RIMBP2: variants seen among roughly 807,000 people sequenced by gnomAD.
RIMBP2 encodes the protein RIMS-binding protein 2.
In RIMBP2, 48 loss-of-function variants were observed where a neutral mutation model predicts 118.6. That is an observed-to-expected ratio of 0.40 (90% CI 0.32 to 0.51). The LOEUF (loss-of-function observed/expected upper bound fraction) is 0.51. Among genes scored for constraint, RIMBP2 ranks in the 20% least tolerant of loss-of-function variants. The pLI, the probability that RIMBP2 is intolerant of heterozygous loss-of-function variation, is 0.41. For missense variants in RIMBP2, 1,551 were observed against 1,768.3 expected, an observed-to-expected ratio of 0.88 and a Z score of 2.20; for synonymous variants, 762 against 742.9, an observed-to-expected ratio of 1.03 and a Z score of -0.42.
chr12:130,579,857 G>A (rs2140168676), intron 2 of RIMBP2, among the ~76,000 whole-genome samples: 2 of 152,026 alleles, frequency 1.3e-5, no homozygotes, highest in East Asian at 1.9e-4. Context: ...AGGGAGGCAA[G>A]GGAGGCAAAA....
chr12:130,588,010 G>A lies in RIMBP2; in HGVS notation c.-217+40312C>T, dbSNP rs74406864. Reference sequence around the variant, plus strand: ...GCCAGCACCCCTCATCCAGCAAGCCGGGGTCCTCGCCTCCCTCAGCATCTC... The same window carrying A: ...GCCAGCACCCCTCATCCAGCAAGCCAGGGTCCTCGCCTCCCTCAGCATCTC... On this transcript the variant is annotated intron_variant, in intron 2 of 22. Transcript: ENST00000690449. Among the ~76,000 whole-genome samples the A allele has an allele frequency of 4.9e-3, 751 of 151,868 alleles. 5 individuals carry two copies. The highest frequency in any genetic ancestry group is 8.1e-3 in the Non-Finnish European group (549 of 67,930).
chr12:130,697,579 A>G (rs937095199), intron 1 of RIMBP2, among the ~76,000 whole-genome samples: 2 of 152,182 alleles, frequency 1.3e-5, no homozygotes, highest in Non-Finnish European at 2.9e-5. Flanking sequence ...CTGATTGGAG[A>G]TAGAAGTTCA....
intron 1 of RIMBP2, among the ~76,000 whole-genome samples, chr12:130,649,603 G>A (rs978238394): frequency 1.3e-5 from 2 of 152,202 alleles, no homozygotes; most frequent in Admixed American, 1.3e-4. Context: ...TCCTTGGAGA[G>A]ACAGCGCGGG....
In RIMBP2 at chr12:130,419,372, G is replaced by A. The variant is rs1333053163; in HGVS notation, c.3238+3081C>T. ...TCAGGGCTCATGCCTGGACGCCTGG[G>A]TGGGCTCCCAAATCCACTGGTGCCA... On this transcript the variant is annotated intron_variant, in intron 17 of 22. Transcript: ENST00000690449. This position sits in a 1 kb window ranked among gnomAD's most constrained non-coding sequence, Gnocchi z 4.3. 5.3e-5 allele frequency among the ~76,000 whole-genome samples: 8 copies of A among 152,168 alleles called. No homozygotes were observed. The highest frequency in any genetic ancestry group is 9.7e-5 in the African/African-American group (4 of 41,446).
In RIMBP2 at chr12:130,422,195, A is replaced by G. The variant is rs1226817157; in HGVS notation, c.3238+258T>C. ...GGTGACACAAAGTGGTCCCCCCTTCAGTGCTTACCCTGTGAAGCTCTCCAG... is the reference window on the plus strand; with the variant it reads ...GGTGACACAAAGTGGTCCCCCCTTCGGTGCTTACCCTGTGAAGCTCTCCAG... On this transcript the variant is annotated intron_variant, in intron 17 of 22. Coordinates refer to ENST00000690449, the MANE Select transcript of RIMBP2 (RefSeq NM_001393629.1). This position sits in a 1 kb window ranked among gnomAD's most constrained non-coding sequence, Gnocchi z 5.2. 6.6e-6 allele frequency among the ~76,000 whole-genome samples: 1 copy of G among 152,204 alleles called. No individual in the cohort carries two copies. Among genetic ancestry groups the G allele is most frequent in the East Asian group, 1.9e-4 (1 of 5,194 alleles).
intron 4 of RIMBP2, among the ~76,000 whole-genome samples, chr12:130,488,544 A>G (rs1241546637): frequency 1.3e-5 from 2 of 152,204 alleles, no homozygotes; most frequent in Non-Finnish European, 1.5e-5. Context: ...TGGCATGAGG[A>G]CATACTGATT....
At chr12:130,675,599 G>C (rs2064422988) in intron 1 of RIMBP2, among the ~76,000 whole-genome samples, 1 of 151,330 alleles carries the variant, frequency 6.6e-6, no homozygotes, top group Non-Finnish European at 1.5e-5. Flanking sequence ...TAAGCTCTGG[G>C]TGTCTAAAGA....
chr12:130,404,752 C>G (rs2075004627), intron 21 of RIMBP2, among the ~76,000 whole-genome samples: 1 of 152,090 alleles, frequency 6.6e-6, no homozygotes, highest in African/African-American at 2.4e-5. Flanking sequence ...GCTAAATGTA[C>G]ATCTAAACAA....
intron 2 of RIMBP2, among the ~76,000 whole-genome samples, chr12:130,616,395 G>A (rs2060937377): frequency 6.6e-6 from 1 of 151,778 alleles, no homozygotes; most frequent in African/African-American, 2.4e-5. Context: ...TCTGACTGTT[G>A]CCGTTTTCAG....
intron 1 of RIMBP2, chr12:130,658,732 A>G (rs902987599): frequency 6.6e-6 from 1 of 152,230 alleles, no homozygotes; most frequent in Non-Finnish European, 1.5e-5. Context: ...GGTTCTGGGC[A>G]GGAGAGGACT....
chr12:130,482,991 T>C lies in RIMBP2; in HGVS notation c.-3-3975A>G, dbSNP rs1290621251. 7.5e-4 allele frequency among the ~76,000 whole-genome samples: 61 copies of C among 81,810 alleles called. 1 individual carries two copies. The highest frequency in any genetic ancestry group is 2.9e-3 in the African/African-American group (55 of 18,788). The allele number at this position is 81,810 out of a possible 152,430, so 53.7% of individuals were successfully genotyped here. On this transcript the variant is annotated intron_variant, in intron 4 of 22. Transcript: ENST00000690449. ...GGCAGACCTCATCCAATTACACCCA[T>C]TGTGTGTGTACATGTGTCAGATTCT...
At position 130,431,411 on chromosome 12, in the gene RIMBP2, T is replaced by C; in HGVS notation, c.2254-3074A>G. 2.5e-6 allele frequency: 1 copy of C among 406,376 alleles called. No homozygotes were observed. Among genetic ancestry groups the C allele is most frequent in the African/African-American group, 2.0e-5 (1 of 49,460 alleles). 25.2% of individuals were successfully genotyped at this position (406,376 alleles called of 1,614,324 possible). A position where few individuals can be genotyped will look rare whatever the true frequency, so the allele number is the denominator to read the frequency against. On this transcript the variant is annotated intron_variant, in intron 14 of 22. Coordinates refer to ENST00000690449, the MANE Select transcript of RIMBP2 (RefSeq NM_001393629.1). The surrounding 1 kb of genome is among the most constrained non-coding windows in gnomAD (Gnocchi z 4.0). ...CACCAGCTCAACTTCAGTCACTCCC[T>C]ACCACTGTCATGATGCGTCACCTAG... is the stretch of plus-strand genomic sequence containing the variant.
intron 21 of RIMBP2, among the ~76,000 whole-genome samples, chr12:130,403,513 A>AGAT (rs1227207379): frequency 2.0e-5 from 3 of 152,202 alleles, no homozygotes; most frequent in African/African-American, 7.2e-5. Flanking sequence ...ATTCCTCTGA[A>AGAT]GATATGTAGA....
chr12:130,700,445 T>C (rs183203750), intron 1 of RIMBP2, among the ~76,000 whole-genome samples: 1 of 151,962 alleles, frequency 6.6e-6, no homozygotes, highest in South Asian at 2.1e-4. Context: ...TTTTTGAAGA[T>C]GCAATTCTTA....
At chr12:130,572,927 C>T (rs2057794788) in intron 2 of RIMBP2, among the ~76,000 whole-genome samples, 3 of 152,062 alleles carry the variant, frequency 2.0e-5, no homozygotes, top group Non-Finnish European at 4.4e-5. Context: ...TGAGGAGGGA[C>T]CCAGATTCCG....
chr12:130,544,746 T>G (rs896325523), intron 2 of RIMBP2, among the ~76,000 whole-genome samples: 3 of 151,948 alleles, frequency 2.0e-5, no homozygotes, highest in African/African-American at 7.3e-5. Context: ...ATTACAGGCA[T>G]GTACCACCAC....
At chr12:130,604,119 G>A (rs1034149814) in intron 2 of RIMBP2, among the ~76,000 whole-genome samples, 12 of 152,024 alleles carry the variant, frequency 7.9e-5, no homozygotes, top group Admixed American at 7.9e-4. Context: ...AGGCTAATGT[G>A]TGCGTTTGTG....
chr12:130,699,629 A>G (rs1321754100), intron 1 of RIMBP2, among the ~76,000 whole-genome samples: 1 of 151,746 alleles, frequency 6.6e-6, no homozygotes, highest in Non-Finnish European at 1.5e-5. Flanking sequence ...CCTAATGCTA[A>G]ATGACGAGTT....
chr12:130,664,279 T>C (rs1299529362), intron 1 of RIMBP2, among the ~76,000 whole-genome samples: 1 of 151,604 alleles, frequency 6.6e-6, no homozygotes, highest in Non-Finnish European at 1.5e-5. Flanking sequence ...GAATAAAACA[T>C]GTGCGGTTAA....
Sources: allele counts gnomAD v4.1 joint callset (sites outside exome capture counted in the v4.1 genomes callset), GRCh38; gene constraint gnomAD v4.1.1; non-coding constraint Gnocchi (gnomAD v3.1); transcripts MANE v1.5; gene names NCBI Gene and HGNC (gene_info 2026-07-23, HGNC 2026-07-21).